DLG1: variants seen among roughly 807,000 people sequenced by gnomAD.
DLG1 encodes discs large MAGUK scaffold protein 1, also known as disks large homolog 1.
A neutral mutation model predicts 123.4 loss-of-function variants in DLG1; 42 were observed. The ratio of observed to expected loss-of-function variants is 0.34; its 90% CI spans 0.27 to 0.44. The LOEUF (loss-of-function observed/expected upper bound fraction) is 0.44. DLG1 is among the 20% of genes least tolerant of loss of function. The probability of loss-of-function intolerance (pLI) is 1.00; values close to 1 mark genes in which losing one functional copy is unlikely to be tolerated. For missense variants in DLG1, 942 were observed against 1,082.6 expected (o/e 0.87, Z 1.82); for synonymous variants, 317 against 356.2 (o/e 0.89, Z 1.24).
chr3:197,088,392 G>A (rs1755669005), intron 15 of DLG1, among the ~76,000 whole-genome samples: 2 of 152,100 alleles, frequency 1.3e-5, no homozygotes, highest in African/African-American at 4.8e-5. Context: ...ATAAAACAGG[G>A]TATCATTCCC....
At position 197,297,175 on chromosome 3, in the gene DLG1, T is replaced by G; in HGVS notation, c.19+11A>C. ...TGACATCGACAACAGAGTTACGGAA[T>G]AAACTCTCACCTTGCTTCCGGACCG... On this transcript the variant is annotated intron_variant, in intron 2 of 24. Coordinates refer to ENST00000667157, the MANE Select transcript of DLG1 (RefSeq NM_001366207.1). The G allele has an allele frequency of 6.2e-7, 1 of 1,613,994 alleles. No homozygotes were observed. Among genetic ancestry groups the G allele is most frequent in the Non-Finnish European group, 8.5e-7 (1 of 1,179,930 alleles).
At position 197,149,811 on chromosome 3, in the gene DLG1, T is replaced by C. The variant is rs1424478034; in HGVS notation, c.484-15A>G. On this transcript the variant is annotated splice_polypyrimidine_tract_variant and intron_variant, in intron 5 of 24. Transcript: ENST00000667157. ...GGAGGATTTGCCTTTAAGAAGAAATTGTAAATGTGTTAACAAGAAAATAAA... is the reference window on the plus strand; with the variant it reads ...GGAGGATTTGCCTTTAAGAAGAAATCGTAAATGTGTTAACAAGAAAATAAA... 1 of 1,516,314 alleles carries C rather than the reference T, an allele frequency of 6.6e-7. No individual in the cohort carries two copies. Among genetic ancestry groups the C allele is most frequent in the Non-Finnish European group, 9.1e-7 (1 of 1,095,334 alleles). The allele number at this position is 1,516,314 out of a possible 1,614,324, so 93.9% of individuals were successfully genotyped here. A position where few individuals can be genotyped will look rare whatever the true frequency, so the allele number is the denominator to read the frequency against.
At chr3:197,159,306 T>C (rs900421053) in intron 5 of DLG1, among the ~76,000 whole-genome samples, 6 of 152,206 alleles carry the variant, frequency 3.9e-5, no homozygotes, top group East Asian at 3.8e-4. Context: ...CTGAAAAGTA[T>C]AAAAGTGTTC....
At chr3:197,067,332 A>C (rs569561648) in intron 19 of DLG1, among the ~76,000 whole-genome samples, 1 of 152,244 alleles carries the variant, frequency 6.6e-6, no homozygotes, top group East Asian at 1.9e-4. Flanking sequence ...AGTCAAAAAG[A>C]GCTTTAGATA....
chr3:197,108,396 C>T (rs1767812215), intron 13 of DLG1, among the ~76,000 whole-genome samples: 1 of 152,082 alleles, frequency 6.6e-6, no homozygotes. Flanking sequence ...AAATGTTTGG[C>T]AGAATGTACC....
chr3:197,170,773 T>C (rs1333559269), intron 5 of DLG1, among the ~76,000 whole-genome samples: 3 of 152,202 alleles, frequency 2.0e-5, no homozygotes, highest in Non-Finnish European at 2.9e-5. Flanking sequence ...TTTGTTGCAA[T>C]TGCATGGTGT....
intron 4 of DLG1, among the ~76,000 whole-genome samples, chr3:197,218,949 T>C (rs976843701): frequency 3.9e-5 from 6 of 152,066 alleles, no homozygotes; most frequent in African/African-American, 7.2e-5. Flanking sequence ...CTGACCAACA[T>C]GGAGAAACCC....
At chr3:197,133,544 A>G (rs1303469681) in intron 10 of DLG1, among the ~76,000 whole-genome samples, 2 of 152,228 alleles carry the variant, frequency 1.3e-5, no homozygotes, top group Non-Finnish European at 2.9e-5. Flanking sequence ...GAGCTGACAC[A>G]ATTTGCTGAG....
chr3:197,130,806 G>A (rs1479025548), intron 10 of DLG1, 135 bp from the exon 11 acceptor site: 5 of 634,428 alleles, frequency 7.9e-6, no homozygotes, highest in Non-Finnish European at 1.3e-5. Context: ...AAATACCCAT[G>A]TTTGATGTCT....
At chr3:197,295,903 A>G (rs775347313) in intron 3 of DLG1, among the ~76,000 whole-genome samples, 5 of 152,210 alleles carry the variant, frequency 3.3e-5, no homozygotes, top group Non-Finnish European at 7.3e-5. Context: ...ATTATTTTCC[A>G]GGTCTAAAAT....
intron 13 of DLG1, among the ~76,000 whole-genome samples, chr3:197,113,540 CTATTT>C (rs1199158539): frequency 2.0e-5 from 3 of 152,016 alleles, no homozygotes; most frequent in Non-Finnish European, 4.4e-5. Flanking sequence ...GTCTTAAATT[CTATTT>C]TGTCTCATAT....
At chr3:197,265,581 A>G (rs532696453) in intron 4 of DLG1, among the ~76,000 whole-genome samples, 4 of 152,226 alleles carry the variant, frequency 2.6e-5, no homozygotes, top group Non-Finnish European at 4.4e-5. Flanking sequence ...GAGTCTTCAG[A>G]TTAGTTTTGA....
chr3:197,055,870 G>C (rs1378703682), intron 23 of DLG1, among the ~76,000 whole-genome samples: 1 of 152,162 alleles, frequency 6.6e-6, no homozygotes, highest in African/African-American at 2.4e-5. Flanking sequence ...TGCAACAATG[G>C]CTCACTGTAT....
intron 4 of DLG1, among the ~76,000 whole-genome samples, chr3:197,237,473 C>T (rs1746584753): frequency 6.6e-6 from 1 of 152,182 alleles, no homozygotes; most frequent in South Asian, 2.1e-4. Context: ...CAAGATACAA[C>T]TTTTAGATGA....
At chr3:197,054,206 T>C (rs1227296475) in intron 23 of DLG1, among the ~76,000 whole-genome samples, 1 of 152,244 alleles carries the variant, frequency 6.6e-6, no homozygotes, top group Non-Finnish European at 1.5e-5. Flanking sequence ...TTGATTATAA[T>C]GTGCCGCAGT....
chr3:197,058,362 G>C (rs772340640), intron 23 of DLG1, among the ~76,000 whole-genome samples: 20 of 149,518 alleles, frequency 1.3e-4, no homozygotes, highest in Non-Finnish European at 2.6e-4. Flanking sequence ...ATTTAAAGCT[G>C]TGTGTATTCC....
At chr3:197,267,806 TTTA>T (rs1404806110) in intron 4 of DLG1, among the ~76,000 whole-genome samples, 2 of 152,166 alleles carry the variant, frequency 1.3e-5, no homozygotes, top group Admixed American at 1.3e-4. Context: ...ATCCTATATG[TTTA>T]TTATTACTTT....
At chr3:197,194,649 T>C (rs1251087918) in intron 4 of DLG1, 60 bp from the exon 5 acceptor site, 10 of 1,291,232 alleles carry the variant, frequency 7.7e-6, no homozygotes, top group African/African-American at 7.7e-5. Flanking sequence ...ATTCAAATCA[T>C]GGTTTTCATA....
intron 4 of DLG1, among the ~76,000 whole-genome samples, chr3:197,255,318 T>C (rs1756335945): frequency 6.6e-6 from 1 of 152,100 alleles, no homozygotes; most frequent in Non-Finnish European, 1.5e-5. Flanking sequence ...ACCTGTTTGA[T>C]TTAGTCAAAA....
Sources: gnomAD v4.1 joint callset for allele counts (sites outside exome capture counted in the v4.1 genomes callset) on GRCh38, gnomAD v4.1.1 for gene constraint, MANE v1.5 for transcripts, NCBI Gene and HGNC (gene_info 2026-07-23, HGNC 2026-07-21) for gene names.